TENT2: variants seen among roughly 807,000 people sequenced by gnomAD.
TENT2 encodes the protein terminal nucleotidyltransferase 2, also known as poly(A) RNA polymerase GLD2.
A neutral mutation model predicts 72.2 loss-of-function variants in TENT2; 44 were observed. The observed-to-expected ratio is 0.61, with a 90% CI of 0.48 to 0.78. The LOEUF (loss-of-function observed/expected upper bound fraction) is 0.78. Among genes scored for constraint, TENT2 ranks in the 30% least tolerant of loss-of-function variants. TENT2 has a pLI of 0.00. For synonymous variants in TENT2, 212 were observed against 192.5 expected (o/e 1.10, Z -0.84); for missense variants, 541 against 569.6 (o/e 0.95, Z 0.51).
chr5:79,641,708 GT>G (rs928382987), intron 6 of TENT2, among the ~76,000 whole-genome samples: 2 of 96,516 alleles, frequency 2.1e-5, no homozygotes, highest in Non-Finnish European at 3.7e-5. Context: ...TTTTGCCTTT[GT>G]TTTTTTTTCT....
At chr5:79,654,473 T>G (rs947619825) in intron 10 of TENT2, among the ~76,000 whole-genome samples, 5 of 152,092 alleles carry the variant, frequency 3.3e-5, no homozygotes, top group African/African-American at 1.2e-4. Context: ...ATCAATTGGC[T>G]AGAAATAATA....
Position 79,687,931 on chromosome 5 carries a change from C to G in TENT2, c.*2658C>G, listed in dbSNP as rs572466755. Among the ~76,000 whole-genome samples, 1 of 152,106 alleles carries G rather than the reference C, an allele frequency of 6.6e-6. No homozygotes were observed. Among genetic ancestry groups the G allele is most frequent in the African/African-American group, 2.4e-5 (1 of 41,414 alleles). ...GATTGCCACAGCTGTGATTGAATTC[C>G]TTTTGTACTGGATGAGCATGGTCAT... On this transcript the variant is annotated 3_prime_UTR_variant, in exon 15 of 15. Transcript: ENST00000453514.
At chr5:79,663,296 G>C (rs57293680) in intron 11 of TENT2, among the ~76,000 whole-genome samples, 3,718 of 152,310 alleles carry the variant, frequency 0.024, 147 homozygotes, top group African/African-American at 0.085. Flanking sequence ...CACTGGAGTA[G>C]TACTTTTAAT....
At chr5:79,683,502 T>C (rs1823846861) in intron 14 of TENT2, among the ~76,000 whole-genome samples, 1 of 151,958 alleles carries the variant, frequency 6.6e-6, no homozygotes, top group South Asian at 2.1e-4. Flanking sequence ...AGTAATAGAG[T>C]GATACCTTGT....
At position 79,686,223 on chromosome 5, in the gene TENT2, C is replaced by A. The variant is rs919596467; in HGVS notation, c.*950C>A. The A allele has an allele frequency of 6.6e-6, 1 of 152,300 alleles. No homozygotes were observed. The highest frequency in any genetic ancestry group is 2.4e-5 in the African/African-American group (1 of 41,344). 9.4% of individuals were successfully genotyped at this position (152,300 alleles called of 1,614,324 possible). ...GGAATTTTTAGGCAGTAAGTCACCA[C>A]AAAATGTTTTAGATAAGACACAATA... On this transcript the variant is annotated 3_prime_UTR_variant, in exon 15 of 15. Transcript: ENST00000453514.
At chr5:79,634,024 C>T (rs1777975315) in intron 4 of TENT2, among the ~76,000 whole-genome samples, 1 of 147,320 alleles carries the variant, frequency 6.8e-6, no homozygotes, top group Admixed American at 6.8e-5. Context: ...AAAAAATTAG[C>T]TGGACCTGGT....
Position 79,666,019 on chromosome 5 carries a change from T to C in TENT2, c.1072-2873T>C, listed in dbSNP as rs796905636. Among the ~76,000 whole-genome samples, 3 of 151,680 alleles carry C rather than the reference T, an allele frequency of 2.0e-5. No individual in the cohort carries two copies. In the South Asian group the frequency reaches 6.3e-4, roughly 32 times the overall value. Reference sequence around the variant, plus strand: ...TTTTTAATGAGACGGAGTTTTGCTCTGTTACCCAGGCTGGGATGGAGTGCA... The same window carrying C: ...TTTTTAATGAGACGGAGTTTTGCTCCGTTACCCAGGCTGGGATGGAGTGCA... On this transcript the variant is annotated intron_variant, in intron 11 of 14. Coordinates refer to ENST00000453514, the MANE Select transcript of TENT2 (RefSeq NM_001114394.3).
At chr5:79,670,227 A>G (rs1811874077) in intron 12 of TENT2, among the ~76,000 whole-genome samples, 1 of 152,068 alleles carries the variant, frequency 6.6e-6, no homozygotes, top group Admixed American at 6.5e-5. Context: ...CTCAAAAAAA[A>G]AAAAAGAAAA....
chr5:79,628,906 C>T (rs891093289), intron 4 of TENT2, among the ~76,000 whole-genome samples: 88 of 152,260 alleles, frequency 5.8e-4, no homozygotes, highest in African/African-American at 2.0e-3. Context: ...CAGTTTGGCA[C>T]GGCTAGATGC....
intron 12 of TENT2, among the ~76,000 whole-genome samples, chr5:79,678,449 T>C (rs1819033652): frequency 6.6e-6 from 1 of 152,122 alleles, no homozygotes; most frequent in South Asian, 2.1e-4. Flanking sequence ...TATCAGCTGT[T>C]CCTCAAATTT....
intron 8 of TENT2, among the ~76,000 whole-genome samples, chr5:79,645,921 T>C (rs957996517): frequency 3.9e-5 from 6 of 152,202 alleles, no homozygotes; most frequent in Admixed American, 1.3e-4. Flanking sequence ...TGCTAAAAGT[T>C]ATTTGTAACT....
intron 12 of TENT2, among the ~76,000 whole-genome samples, chr5:79,673,509 A>G (rs1253746779): frequency 2.0e-5 from 3 of 152,102 alleles, no homozygotes; most frequent in Non-Finnish European, 2.9e-5. Context: ...TCTTTCGCAT[A>G]TGGATATCTA....
intron 8 of TENT2, among the ~76,000 whole-genome samples, chr5:79,648,126 G>T (rs1236162501): frequency 1.3e-5 from 2 of 152,016 alleles, no homozygotes; most frequent in African/African-American, 4.8e-5. Context: ...ACATAGTTTT[G>T]TTTATCTGGA....
intron 12 of TENT2, among the ~76,000 whole-genome samples, chr5:79,674,746 A>G (rs1390159059): frequency 6.6e-6 from 1 of 152,188 alleles, no homozygotes; most frequent in Non-Finnish European, 1.5e-5. Context: ...GAAATTTTTC[A>G]TAATACATAG....
At chr5:79,675,842 A>G (rs1460173130) in intron 12 of TENT2, among the ~76,000 whole-genome samples, 1 of 152,176 alleles carries the variant, frequency 6.6e-6, no homozygotes, top group Non-Finnish European at 1.5e-5. Flanking sequence ...AACTTACTAG[A>G]AAGGTCAGAG....
At chr5:79,662,793 C>T (rs1804104814) in intron 11 of TENT2, among the ~76,000 whole-genome samples, 1 of 152,174 alleles carries the variant, frequency 6.6e-6, no homozygotes, top group Admixed American at 6.5e-5. Flanking sequence ...TTGGCTTCAA[C>T]TTGAAGTCAC....
At chr5:79,622,119 G>C (rs1376385363) in intron 3 of TENT2, among the ~76,000 whole-genome samples, 1 of 152,038 alleles carries the variant, frequency 6.6e-6, no homozygotes, top group African/African-American at 2.4e-5. Flanking sequence ...TGGCCAACAT[G>C]GTGAAACCCC....
At position 79,623,326 on chromosome 5, in the gene TENT2, C is replaced by T; in HGVS notation, c.302C>T (p.Thr101Ile). The change falls in exon 4 of 15, where the codon ACT becomes ATT. Residue 101 changes from threonine to isoleucine, a missense_variant. Coordinates refer to ENST00000453514, the MANE Select transcript of TENT2 (RefSeq NM_001114394.3). The part of the protein sequence containing the change: ...QRFHSPHQEP[T>I]VVNQIVPLSG... Reference sequence around the variant, plus strand: ...TTCCATTCACCCCACCAAGAGCCAACTGTAGTTAACCAGATAGTGCCTTTA... The same window carrying T: ...TTCCATTCACCCCACCAAGAGCCAATTGTAGTTAACCAGATAGTGCCTTTA... The T allele has an allele frequency of 6.2e-7, 1 of 1,613,622 alleles. No individual in the cohort carries two copies. The highest frequency in any genetic ancestry group is 1.1e-5 in the South Asian group (1 of 91,012).
rs1179171506 is a variant in TENT2 at position 79,687,494 on chromosome 5, C to G, written c.*2221C>G. 1.3e-5 allele frequency among the ~76,000 whole-genome samples: 2 copies of G among 152,168 alleles called. No individual in the cohort carries two copies. Among genetic ancestry groups the G allele is most frequent in the Non-Finnish European group, 1.5e-5 (1 of 68,030 alleles). Reference sequence around the variant, plus strand: ...TGTTTGCATATATCCTACACACATTCTCTTGATACTTTAAATCATCTCTAA... The same window carrying G: ...TGTTTGCATATATCCTACACACATTGTCTTGATACTTTAAATCATCTCTAA... On this transcript the variant is annotated 3_prime_UTR_variant, in exon 15 of 15. Transcript: ENST00000453514.
Sources: gnomAD v4.1 joint callset for allele counts (sites outside exome capture counted in the v4.1 genomes callset) on GRCh38, gnomAD v4.1.1 for gene constraint, MANE v1.5 for transcripts, NCBI Gene and HGNC (gene_info 2026-07-23, HGNC 2026-07-21) for gene names.